RIMS2: variants seen among roughly 807,000 people sequenced by gnomAD.
RIMS2 encodes regulating synaptic membrane exocytosis protein 2.
Under a neutral mutation model 174.4 loss-of-function variants are expected in RIMS2, and 59 were observed. The ratio of observed to expected loss-of-function variants is 0.34; its 90% CI spans 0.27 to 0.42. The LOEUF (loss-of-function observed/expected upper bound fraction) is 0.42. Ranked by LOEUF, RIMS2 falls within the 10% of genes least tolerant of loss-of-function variation. RIMS2 has a pLI of 1.00. For missense variants in RIMS2, 1,620 were observed against 1,666.3 expected (o/e 0.97, Z 0.48); for synonymous variants, 606 against 572.5 (o/e 1.06, Z -0.84).
chr8:103,579,102 G>T (rs2093440245), intron 1 of RIMS2, among the ~76,000 whole-genome samples: 1 of 152,090 alleles, frequency 6.6e-6, no homozygotes, highest in Non-Finnish European at 1.5e-5. Flanking sequence ...CCATGAATAT[G>T]GGAAGAAATA....
chr8:104,038,348 C>T (rs1477792538), intron 19 of RIMS2, among the ~76,000 whole-genome samples: 3 of 151,872 alleles, frequency 2.0e-5, no homozygotes, highest in African/African-American at 7.2e-5. Flanking sequence ...CTGTCTGAAA[C>T]AAAGATCCAG....
chr8:103,747,027 A>G (rs939101846), intron 2 of RIMS2, among the ~76,000 whole-genome samples: 2 of 151,270 alleles, frequency 1.3e-5, no homozygotes, highest in African/African-American at 4.9e-5. Context: ...GCTAAGGATA[A>G]TGGCCTCCAA....
At chr8:103,839,676 T>C (rs888565117) in intron 3 of RIMS2, among the ~76,000 whole-genome samples, 1 of 152,194 alleles carries the variant, frequency 6.6e-6, no homozygotes, top group Non-Finnish European at 1.5e-5. Flanking sequence ...AGCCTGCATA[T>C]GTACTGCTTA....
chr8:103,739,996 T>C (rs1394204851), intron 2 of RIMS2, among the ~76,000 whole-genome samples: 1 of 152,184 alleles, frequency 6.6e-6, no homozygotes, highest in East Asian at 1.9e-4. Flanking sequence ...TTAAGATGCA[T>C]ATTTATAAAT....
intron 19 of RIMS2, among the ~76,000 whole-genome samples, chr8:104,098,575 A>G (rs1299361265): frequency 6.6e-6 from 1 of 152,164 alleles, no homozygotes; most frequent in Non-Finnish European, 1.5e-5. Flanking sequence ...TATAAATGCT[A>G]TGGAATTATC....
chr8:103,727,171 T>A (rs946715408), intron 2 of RIMS2, among the ~76,000 whole-genome samples: 1 of 152,104 alleles, frequency 6.6e-6, no homozygotes, highest in Non-Finnish European at 1.5e-5. Flanking sequence ...ATGATATTAT[T>A]TGAATTTTTT....
chr8:103,795,270 C>A (rs771429172), intron 3 of RIMS2, among the ~76,000 whole-genome samples: 2 of 152,140 alleles, frequency 1.3e-5, no homozygotes, highest in Non-Finnish European at 2.9e-5. Context: ...AGGATGAGTT[C>A]ATGTCCTTTG....
intron 19 of RIMS2, among the ~76,000 whole-genome samples, chr8:104,178,641 G>A (rs890182253): frequency 2.0e-5 from 3 of 152,032 alleles, no homozygotes; most frequent in South Asian, 4.1e-4. Context: ...ACCATACAAC[G>A]TCAGCAACAG....
rs1482139638 is a variant in RIMS2 at position 103,865,375 on chromosome 8, C to T, written c.699-19923C>T. 4.0e-5 allele frequency among the ~76,000 whole-genome samples: 6 copies of T among 149,176 alleles called. No homozygotes were observed. The South Asian group carries it at 8.4e-4, about 21-fold the overall frequency. ...TCTCGGATCACTGCAACCTCCGCCTCCTGGGTTCAAGAGATTCTCCTACCT... is the reference window on the plus strand; with the variant it reads ...TCTCGGATCACTGCAACCTCCGCCTTCTGGGTTCAAGAGATTCTCCTACCT... On this transcript the variant is annotated intron_variant, in intron 3 of 23. Transcript: ENST00000504942.
At chr8:103,819,444 A>G (rs1052611393) in intron 3 of RIMS2, 1 of 1,600,098 alleles carries the variant, frequency 6.2e-7, no homozygotes, top group Non-Finnish European at 8.5e-7. Flanking sequence ...GGTGTCAGCA[A>G]ATAGATGATT....
At chr8:103,850,425 C>T (rs2098991427) in intron 3 of RIMS2, among the ~76,000 whole-genome samples, 1 of 151,946 alleles carries the variant, frequency 6.6e-6, no homozygotes, top group Non-Finnish European at 1.5e-5. Context: ...TCGTTGACAG[C>T]TCAGTAGATT....
chr8:103,529,754 C>T (rs184820369), intron 1 of RIMS2, among the ~76,000 whole-genome samples: 82 of 152,318 alleles, frequency 5.4e-4, no homozygotes, highest in African/African-American at 1.8e-3. Context: ...TGTTCCTATT[C>T]GGCCATCTTC....
At chr8:103,808,448 C>A (rs61618724) in intron 3 of RIMS2, among the ~76,000 whole-genome samples, 23,922 of 152,060 alleles carry the variant, frequency 0.16, 1,994 homozygotes, top group Middle Eastern at 0.24. Context: ...TGGTTGAAAT[C>A]ATTACTAACA....
intron 1 of RIMS2, among the ~76,000 whole-genome samples, chr8:103,524,928 T>C (rs1343815625): frequency 1.3e-5 from 2 of 152,118 alleles, no homozygotes; most frequent in Non-Finnish European, 2.9e-5. Flanking sequence ...AGGAAGAAAA[T>C]AAAATGATCT....
chr8:103,989,309 A>C, exon 17 of RIMS2: 1 of 1,586,948 alleles, frequency 6.3e-7, no homozygotes, highest in Non-Finnish European at 8.7e-7. Context: ...TTTTAGTCGG[A>C]ATGTGGAACA....
intron 3 of RIMS2, among the ~76,000 whole-genome samples, chr8:103,820,683 GATAAC>G (rs2098746522): frequency 1.3e-5 from 2 of 151,832 alleles, no homozygotes; most frequent in Non-Finnish European, 3.0e-5. Flanking sequence ...TTGAAAATGG[GATAAC>G]ATATCTATTT....
intron 2 of RIMS2, 36 bp downstream of exon 5, chr8:103,716,356 C>T (rs1003469160): frequency 7.9e-5 from 12 of 151,514 alleles, no homozygotes; most frequent in African/African-American, 2.9e-4. Context: ...ATTAGTTTTT[C>T]CTTATTGTTG....
intron 16 of RIMS2, among the ~76,000 whole-genome samples, chr8:103,986,676 G>A (rs2094383409): frequency 6.6e-6 from 1 of 151,950 alleles, no homozygotes; most frequent in Admixed American, 6.6e-5. Context: ...TTCATGACCA[G>A]CCTGGCCAAC....
At position 103,682,385 on chromosome 8, in the gene RIMS2, G is replaced by C. The variant is rs1490578041; in HGVS notation, c.177-14701G>C. ...GAAGAAAACCAGGAGTCTTACAAAAGCTAAGTGGACAGTGAGGACTGTGAC... is the reference window on the plus strand; with the variant it reads ...GAAGAAAACCAGGAGTCTTACAAAACCTAAGTGGACAGTGAGGACTGTGAC... On this transcript the variant is annotated intron_variant, in intron 1 of 23. Coordinates refer to ENST00000504942, the Ensembl canonical transcript of RIMS2. Among the ~76,000 whole-genome samples the C allele has an allele frequency of 2.0e-5, 3 of 152,108 alleles. No homozygotes were observed. The East Asian group carries it at 5.8e-4, about 29-fold the overall frequency.
Sources: gnomAD v4.1 joint callset for allele counts (sites outside exome capture counted in the v4.1 genomes callset) on GRCh38, gnomAD v4.1.1 for gene constraint, MANE v1.5 for transcripts, NCBI Gene and HGNC (gene_info 2026-07-23, HGNC 2026-07-21) for gene names.